The following OSBPL2 variants were observed in gnomAD, a reference collection of about 807,000 sequenced individuals.
OSBPL2 encodes the protein oxysterol binding protein like 2.
OSBPL2 carries 18 observed loss-of-function variants against 58.4 expected under a neutral mutation model. The ratio of observed to expected loss-of-function variants is 0.31; its 90% CI spans 0.21 to 0.46. The LOEUF is 0.46. OSBPL2 is among the 20% of genes least tolerant of loss of function. OSBPL2 has a pLI of 1.00. For synonymous variants in OSBPL2, 221 were observed against 234.1 expected, an observed-to-expected ratio of 0.94 and a Z score of 0.51; for missense variants, 461 against 616.5, an observed-to-expected ratio of 0.75 and a Z score of 2.67.
intron 1 of OSBPL2, among the ~76,000 whole-genome samples, chr20:62,242,987 ATAAACC>A (rs1979832317): frequency 6.6e-6 from 1 of 152,206 alleles, no homozygotes; most frequent in African/African-American, 2.4e-5. Context: ...TTTGTACTGA[ATAAACC>A]TAAGGCTGAT....
chr20:62,272,990 G>C (rs1347551902), intron 5 of OSBPL2, among the ~76,000 whole-genome samples: 1 of 152,252 alleles, frequency 6.6e-6, no homozygotes, highest in Non-Finnish European at 1.5e-5. Context: ...TGGGGTGTGT[G>C]TGTTGAGTGT....
chr20:62,291,484 C>T (rs1216333147), intron 12 of OSBPL2: 3 of 582,256 alleles, frequency 5.2e-6, no homozygotes, highest in Non-Finnish European at 9.4e-6. Flanking sequence ...ATGCAGCCCC[C>T]ATGCTCTACT....
intron 1 of OSBPL2, among the ~76,000 whole-genome samples, chr20:62,243,500 G>A (rs892448303): frequency 6.6e-6 from 1 of 152,074 alleles, no homozygotes; most frequent in South Asian, 2.1e-4. Flanking sequence ...TCAGTGGCTC[G>A]GCTGTCAGGG....
At chr20:62,264,831 C>T (rs529763169) in intron 4 of OSBPL2, 8 of 152,352 alleles carry the variant, frequency 5.3e-5, no homozygotes, top group African/African-American at 1.9e-4. Flanking sequence ...GGCTCCTCCA[C>T]TTGGTGGCAG....
chr20:62,280,711 C>T (rs1381518328), intron 7 of OSBPL2, among the ~76,000 whole-genome samples: 3 of 152,196 alleles, frequency 2.0e-5, no homozygotes, highest in South Asian at 2.1e-4. Flanking sequence ...AAGCCAGGGC[C>T]GCATGCCCAG....
At chr20:62,281,948 G>A in intron 9 of OSBPL2, 69 bp downstream of exon 9, 1 of 1,036,898 alleles carries the variant, frequency 9.6e-7, no homozygotes, top group African/African-American at 1.6e-5. Flanking sequence ...GGGCTCAGGT[G>A]CTCCTGGGCC....
chr20:62,256,853 A>T (rs2145928432), intron 2 of OSBPL2, among the ~76,000 whole-genome samples: 1 of 152,346 alleles, frequency 6.6e-6, no homozygotes, highest in South Asian at 2.1e-4. Flanking sequence ...TGGCACAGGG[A>T]AGAGCCTGAA....
chr20:62,291,173 T>G, intron 12 of OSBPL2: 1 of 185,386 alleles, frequency 5.4e-6, no homozygotes, highest in Non-Finnish European at 1.2e-5. Flanking sequence ...GAATTAGTGA[T>G]GTTTTCAGAG....
rs77527057 is a variant in OSBPL2, at chr20:62,293,753, A to C, written c.1341-32A>C. 824 of 1,606,060 alleles carry C rather than the reference A, an allele frequency of 5.1e-4. 4 individuals are homozygous for C. In the African/African-American group the frequency reaches 9.6e-3, roughly 19 times the overall value. The stretch of plus-strand genomic sequence containing the variant: ...GCTGCGTTTTCCTTTTGGGCTGAGC[A>C]TCTTCTGACCCCCCTCCCTTGTATC... On this transcript the variant is annotated intron_variant, in intron 13 of 13. Coordinates refer to ENST00000313733, the MANE Select transcript of OSBPL2 (RefSeq NM_144498.4).
intron 1 of OSBPL2, among the ~76,000 whole-genome samples, chr20:62,244,636 A>G (rs961013609): frequency 2.6e-5 from 4 of 152,250 alleles, no homozygotes; most frequent in African/African-American, 9.6e-5. Context: ...TTACAAGGTA[A>G]TGTTCCTCGA....
At chr20:62,293,659 T>C (rs781042046) in intron 13 of OSBPL2, 126 bp from the exon 14 acceptor site, 4 of 716,892 alleles carry the variant, frequency 5.6e-6, no homozygotes, top group African/African-American at 3.7e-5. Context: ...TACGCTGGGC[T>C]GCATTTTAAA....
At chr20:62,292,964 G>A (rs1983620572) in intron 13 of OSBPL2, among the ~76,000 whole-genome samples, 1 of 151,562 alleles carries the variant, frequency 6.6e-6, no homozygotes, top group East Asian at 2.0e-4. Context: ...GCCCCTCCGG[G>A]TTCACACCAT....
At chr20:62,261,038 C>T (rs966292361) in intron 3 of OSBPL2, among the ~76,000 whole-genome samples, 1 of 151,874 alleles carries the variant, frequency 6.6e-6, no homozygotes, top group Non-Finnish European at 1.5e-5. Context: ...GAAGCACGAG[C>T]CAGGCGCAGT....
chr20:62,247,152 C>T (rs1161653156), intron 1 of OSBPL2, among the ~76,000 whole-genome samples: 7 of 152,332 alleles, frequency 4.6e-5, no homozygotes, highest in South Asian at 4.1e-4. Context: ...TGACCTTGAG[C>T]GGATGGCAGG....
intron 3 of OSBPL2, 68 bp downstream of exon 3, chr20:62,260,193 A>AC: frequency 6.7e-7 from 1 of 1,488,772 alleles, no homozygotes; most frequent in African/African-American, 1.4e-5. Flanking sequence ...TCTGCAGGGT[A>AC]CCCCTCAGCC....
rs6142732 is a variant in OSBPL2 at position 62,275,054 on chromosome 20, A to G, written c.491+1648A>G. Reference sequence around the variant, plus strand: ...GAAAAGATGAATCAGGCATAATCCCATACAAGACAATAGCTGGCTGGGCTC... The same window carrying G: ...GAAAAGATGAATCAGGCATAATCCCGTACAAGACAATAGCTGGCTGGGCTC... On this transcript the variant is annotated intron_variant, in intron 6 of 13. Coordinates refer to ENST00000313733, the MANE Select transcript of OSBPL2 (RefSeq NM_144498.4). 3.9e-5 allele frequency among the ~76,000 whole-genome samples: 6 copies of G among 152,250 alleles called. No individual in the cohort carries two copies. In the South Asian group the frequency reaches 6.2e-4, roughly 16 times the overall value.
At chr20:62,291,608 G>T (rs1420314473) in intron 12 of OSBPL2, 95 bp from the exon 13 acceptor site, 15 of 1,026,706 alleles carry the variant, frequency 1.5e-5, no homozygotes, top group Non-Finnish European at 2.1e-5. Context: ...TCCAGCCACA[G>T]TGAGACATGC....
At chr20:62,283,736 T>G (rs1391378030) in intron 9 of OSBPL2, among the ~76,000 whole-genome samples, 5 of 152,158 alleles carry the variant, frequency 3.3e-5, no homozygotes, top group Non-Finnish European at 5.9e-5. Flanking sequence ...CCTTTGGGTT[T>G]CCATCCCTTC....
intron 4 of OSBPL2, among the ~76,000 whole-genome samples, chr20:62,266,411 T>C (rs1184695703): frequency 2.6e-5 from 4 of 152,238 alleles, no homozygotes; most frequent in African/African-American, 9.6e-5. Flanking sequence ...CTTGGCAACG[T>C]GGACAGTCCC....
Sources: gnomAD v4.1 joint callset for allele counts (sites outside exome capture counted in the v4.1 genomes callset) on GRCh38, gnomAD v4.1.1 for gene constraint, MANE v1.5 for transcripts, NCBI Gene and HGNC (gene_info 2026-07-23, HGNC 2026-07-21) for gene names.